The following PRKAA2 variants were observed in gnomAD, a reference collection of about 807,000 sequenced individuals.
PRKAA2 encodes the protein 5'-AMP-activated protein kinase catalytic subunit alpha-2.
A neutral mutation model predicts 56.3 loss-of-function variants in PRKAA2; 40 were observed. The observed-to-expected ratio is 0.71, with a 90% CI of 0.55 to 0.92. The LOEUF (loss-of-function observed/expected upper bound fraction) is 0.92, where lower values mean the gene tolerates loss of function less well. PRKAA2 is among the 40% of genes least tolerant of loss of function. The pLI is 0.00. For synonymous variants in PRKAA2, 214 were observed against 234.2 expected, an observed-to-expected ratio of 0.91 and a Z score of 0.79; for missense variants, 542 against 686.9, an observed-to-expected ratio of 0.79 and a Z score of 2.36.
intron 2 of PRKAA2, among the ~76,000 whole-genome samples, chr1:56,684,711 T>TGAAAA (rs1644179181): frequency 6.6e-6 from 1 of 152,084 alleles, no homozygotes; most frequent in Admixed American, 6.6e-5. Flanking sequence ...CTGTTGTCTT[T>TGAAAA]GAAAAGAACC....
chr1:56,661,758 G>A (rs1389338125), intron 1 of PRKAA2, among the ~76,000 whole-genome samples: 3 of 151,584 alleles, frequency 2.0e-5, no homozygotes, highest in Admixed American at 6.6e-5. Flanking sequence ...TGTCATTACT[G>A]GGAGTATTTT....
In PRKAA2 at chr1:56,704,038, A is replaced by G. The variant is rs769852348; in HGVS notation, c.856A>G (p.Asn286Asp). 3 of 1,613,960 alleles carry G rather than the reference A, an allele frequency of 1.9e-6. No homozygotes were observed. The highest frequency in any genetic ancestry group is 1.7e-6 in the Non-Finnish European group (2 of 1,179,822). ...TCCTGAAGACCCTTCCTATGATGCT[A>G]ACGTCATTGATGATGAGGCTGTGAA... ...LFPEDPSYDA[N>D]VIDDEAVKEV... The change falls in exon 7 of 9, where the codon AAC (asparagine) becomes GAC (aspartate). Residue 286 changes from asparagine to aspartate, a missense_variant. Around this residue, in one of 5 missense-constraint regions of PRKAA2, gnomAD observed 198 missense variants for 234.0 expected, o/e 0.85. Transcript: ENST00000371244.
chr1:56,667,741 G>A (rs1644046335), intron 1 of PRKAA2, among the ~76,000 whole-genome samples: 1 of 152,046 alleles, frequency 6.6e-6, no homozygotes, highest in Admixed American at 6.6e-5. Flanking sequence ...ATACACACCT[G>A]CTAAGGTATC....
At chr1:56,664,234 C>T (rs913344594) in intron 1 of PRKAA2, among the ~76,000 whole-genome samples, 3 of 152,062 alleles carry the variant, frequency 2.0e-5, no homozygotes, top group Admixed American at 6.6e-5. Context: ...ATTAATGCTT[C>T]GATATAAATT....
At position 56,645,329 on chromosome 1, in the gene PRKAA2, G is replaced by A. The variant is rs1184231987; in HGVS notation, c.-59G>A. 1.5e-6 allele frequency: 2 copies of A among 1,369,638 alleles called. No individual in the cohort carries two copies. The allele number at this position is 1,369,638 out of a possible 1,614,324, so 84.8% of individuals were successfully genotyped here. On this transcript the variant is annotated 5_prime_UTR_variant, in exon 1 of 9. Coordinates refer to ENST00000371244, the MANE Select transcript of PRKAA2 (RefSeq NM_006252.4). ...AGGGCCCGCTGCACTGTGGGTAGGC[G>A]GCGGCGGCGGCGGCTACGCGGAGCG...
rs374107015 is a variant in PRKAA2 at position 56,706,494 on chromosome 1, T to C, written c.1420+276T>C. On this transcript the variant is annotated intron_variant, in intron 8 of 8. Transcript: ENST00000371244. ...AGTAAGGAACAACAGGGAAGCAGGTTTTACTTTTCAAAATTAACTGACTTG... is the reference window on the plus strand; with the variant it reads ...AGTAAGGAACAACAGGGAAGCAGGTCTTACTTTTCAAAATTAACTGACTTG... Among the ~76,000 whole-genome samples, 11 of 152,304 alleles carry C rather than the reference T, an allele frequency of 7.2e-5. No individual in the cohort carries two copies. In the South Asian group the frequency reaches 2.3e-3, roughly 32 times the overall value.
At chr1:56,690,464 C>T (rs986793799) in intron 2 of PRKAA2, among the ~76,000 whole-genome samples, 20 of 151,890 alleles carry the variant, frequency 1.3e-4, no homozygotes, top group Admixed American at 2.0e-4. Flanking sequence ...CCACCACGCC[C>T]GGCCTATCAC....
chr1:56,690,339 A>G (rs923976576), intron 2 of PRKAA2, among the ~76,000 whole-genome samples: 2 of 151,782 alleles, frequency 1.3e-5, no homozygotes, highest in Non-Finnish European at 2.9e-5. Flanking sequence ...AATTTTTTGT[A>G]TTTTTAGTAG....
intron 7 of PRKAA2, among the ~76,000 whole-genome samples, chr1:56,705,066 G>A (rs1569798108): frequency 6.6e-6 from 1 of 152,136 alleles, no homozygotes; most frequent in East Asian, 1.9e-4. Flanking sequence ...TATATGTGTG[G>A]GGAGGGGCAT....
At chr1:56,646,557 T>C (rs1646644262) in intron 1 of PRKAA2, among the ~76,000 whole-genome samples, 1 of 152,254 alleles carries the variant, frequency 6.6e-6, no homozygotes, top group Non-Finnish European at 1.5e-5. Context: ...TGTGATTTAA[T>C]TAACCTGCCT....
chr1:56,674,342 A>G, intron 1 of PRKAA2, 39 bp from the exon 2 acceptor site: 1 of 1,487,868 alleles, frequency 6.7e-7, no homozygotes. Context: ...GATTATGTTG[A>G]TATGATAGCA....
intron 6 of PRKAA2, among the ~76,000 whole-genome samples, chr1:56,699,830 T>C (rs539200740): frequency 1.3e-5 from 2 of 152,328 alleles, no homozygotes; most frequent in East Asian, 3.9e-4. Context: ...GGACATTTCA[T>C]ATAAATGGAA....
chr1:56,692,028 ATTTTTT>A (rs397863487), intron 3 of PRKAA2, among the ~76,000 whole-genome samples: 2,690 of 112,812 alleles, frequency 0.024, 88 homozygotes, highest in African/African-American at 0.087. Flanking sequence ...GATGTCTCAG[ATTTTTT>A]TTTTTTTTTT....
rs144736025 is a variant in PRKAA2, at chr1:56,713,150, T to G, written c.*5437T>G. On this transcript the variant is annotated 3_prime_UTR_variant, in exon 9 of 9. Coordinates refer to ENST00000371244, the MANE Select transcript of PRKAA2 (RefSeq NM_006252.4). The stretch of plus-strand genomic sequence containing the variant: ...CAAGTTGCTGGCATCATTACTAGCC[T>G]TTCCACCTATAATTATGATGCATTT... 2.1e-4 allele frequency: 32 copies of G among 152,296 alleles called. 1 individual carries two copies. The highest frequency in any genetic ancestry group is 7.0e-4 in the African/African-American group (29 of 41,572). 9.4% of individuals were successfully genotyped at this position (152,296 alleles called of 1,614,324 possible).
chr1:56,698,114 G>A (rs1644271263), intron 6 of PRKAA2, among the ~76,000 whole-genome samples: 1 of 128,720 alleles, frequency 7.8e-6, no homozygotes, highest in Non-Finnish European at 1.6e-5. Flanking sequence ...ATGGGGTCTT[G>A]CTATGTTTAC....
At chr1:56,649,514 T>C (rs1023240993) in intron 1 of PRKAA2, among the ~76,000 whole-genome samples, 2 of 152,036 alleles carry the variant, frequency 1.3e-5, no homozygotes, top group African/African-American at 2.4e-5. Context: ...AGACCCTGTC[T>C]TTGATTGATT....
chr1:56,666,348 T>C (rs1311271115), intron 1 of PRKAA2, among the ~76,000 whole-genome samples: 2 of 152,150 alleles, frequency 1.3e-5, no homozygotes, highest in Non-Finnish European at 2.9e-5. Context: ...CAGCACTTGA[T>C]GTTAAGAGCC....
intron 2 of PRKAA2, among the ~76,000 whole-genome samples, chr1:56,687,118 A>G (rs6672361): frequency 0.12 from 18,242 of 152,018 alleles, 1,645 homozygotes; most frequent in East Asian, 0.24. Context: ...TCTCGACCTC[A>G]GGTGATTCAC....
chr1:56,658,129 G>T (rs964366854), intron 1 of PRKAA2, among the ~76,000 whole-genome samples: 6 of 152,116 alleles, frequency 3.9e-5, no homozygotes, highest in East Asian at 1.9e-4. Flanking sequence ...AATATCTGGG[G>T]TAGCCATTAA....
Sources: allele counts gnomAD v4.1 joint callset (sites outside exome capture counted in the v4.1 genomes callset), GRCh38; gene constraint gnomAD v4.1.1; regional missense constraint gnomAD v4.1.1; transcripts MANE v1.5; gene names NCBI Gene and HGNC (gene_info 2026-07-23, HGNC 2026-07-21).